Variants in MEF2C observed in about 807,000 individuals in gnomAD.
MEF2C encodes the protein myocyte enhancer factor 2C.
Under a neutral mutation model 50.5 loss-of-function variants are expected in MEF2C, and 6 were observed. The ratio of observed to expected loss-of-function variants is 0.12; its 90% CI spans 0.07 to 0.23. The LOEUF (loss-of-function observed/expected upper bound fraction) is 0.23. Among genes scored for constraint, MEF2C ranks in the 10% least tolerant of loss-of-function variants. The pLI, the probability that MEF2C is intolerant of heterozygous loss-of-function variation, is 1.00. For missense variants in MEF2C, 276 were observed against 605.0 expected, an observed-to-expected ratio of 0.46 and a Z score of 5.70; for synonymous variants, 183 against 228.0, an observed-to-expected ratio of 0.80 and a Z score of 1.78.
At chr5:88,864,465 G>A (rs377601180) in intron 1 of MEF2C, among the ~76,000 whole-genome samples, 65 of 151,752 alleles carry the variant, frequency 4.3e-4, no homozygotes, top group Middle Eastern at 6.8e-3. Context: ...TCTGGGAGTG[G>A]AACTTGGGCA....
intron 1 of MEF2C, among the ~76,000 whole-genome samples, chr5:88,894,001 AATG>A (rs1172870061): frequency 6.6e-6 from 1 of 152,216 alleles, no homozygotes. Context: ...GTCATAATAC[AATG>A]ATATCTGGAG....
chr5:88,734,574 T>TTTTTTTTG, intron 6 of MEF2C: 4 of 886,580 alleles, frequency 4.5e-6, no homozygotes, highest in Non-Finnish European at 5.3e-6. Flanking sequence ...TGTTTTTTTT[T>TTTTTTTTG]TTTTTTTTTT....
intron 3 of MEF2C, among the ~76,000 whole-genome samples, chr5:88,773,712 G>C (rs184812543): frequency 2.0e-5 from 3 of 152,186 alleles, no homozygotes; most frequent in Admixed American, 1.3e-4. Flanking sequence ...GGCTCAGGCA[G>C]ACTAAGCAAA....
chr5:88,788,545 G>A (rs1341578197), intron 3 of MEF2C, among the ~76,000 whole-genome samples: 1 of 152,024 alleles, frequency 6.6e-6, no homozygotes, highest in East Asian at 1.9e-4. Flanking sequence ...AACACTAGAT[G>A]CACCAGTTTC....
intron 1 of MEF2C, among the ~76,000 whole-genome samples, chr5:88,869,316 C>CATATATATAT (rs1561421830): frequency 3.5e-5 from 3 of 85,456 alleles, no homozygotes; most frequent in African/African-American, 4.6e-5. Context: ...TATATATATA[C>CATATATATAT]ACATATAGCT....
chr5:88,903,508 A>G (rs1338359832), intron 1 of MEF2C, among the ~76,000 whole-genome samples: 10 of 152,190 alleles, frequency 6.6e-5, no homozygotes, highest in Admixed American at 3.3e-4. Context: ...ATTTTTGAAA[A>G]TAGTATGTAC....
intron 1 of MEF2C, chr5:88,839,357 C>A (rs1816477220): frequency 6.6e-6 from 1 of 151,428 alleles, no homozygotes. Context: ...CTCTCTCTAT[C>A]TATCTATCTC....
intron 1 of MEF2C, among the ~76,000 whole-genome samples, chr5:88,845,430 CT>C (rs1302945839): frequency 1.3e-5 from 2 of 152,170 alleles, no homozygotes; most frequent in African/African-American, 4.8e-5. Flanking sequence ...ATAAGCCAAA[CT>C]TTCATTATGT....
At chr5:88,886,386 A>G (rs1834052476), upstream of MEF2C, among the ~76,000 whole-genome samples, 1 of 151,998 alleles carries the variant, frequency 6.6e-6, no homozygotes, top group African/African-American at 2.4e-5. Flanking sequence ...GGATCAGACT[A>G]TTTTCTCATG....
At chr5:88,741,273 A>G in intron 6 of MEF2C, 2 of 985,306 alleles carry the variant, frequency 2.0e-6, no homozygotes, top group South Asian at 9.4e-5. Context: ...GATTATAACC[A>G]TAGCTCACAT....
intron 6 of MEF2C, chr5:88,734,565 G>GTTTTTTTTTTTTTTTTTTTTTTTTTTTT (rs66505441): frequency 1.3e-5 from 6 of 460,472 alleles, no homozygotes; most frequent in African/African-American, 5.1e-5. Flanking sequence ...AGAAAAGTTT[G>GTTTTTTTTTTTTTTTTTTTTTTTTTTTT]TTTTTTTTTT....
intron 1 of MEF2C, among the ~76,000 whole-genome samples, chr5:88,893,402 C>T (rs1362687407): frequency 6.6e-6 from 1 of 151,404 alleles, no homozygotes; most frequent in East Asian, 1.9e-4. Flanking sequence ...CCTCTGCCTC[C>T]CATAGAGATG....
intron 10 of MEF2C, among the ~76,000 whole-genome samples, chr5:88,725,491 C>T (rs759347648): frequency 6.6e-6 from 1 of 152,024 alleles, no homozygotes; most frequent in Non-Finnish European, 1.5e-5. Flanking sequence ...TGTTGGTCTA[C>T]TTGAGAACAA....
intron 2 of MEF2C, among the ~76,000 whole-genome samples, chr5:88,815,813 C>T (rs1805060901): frequency 6.6e-6 from 1 of 151,524 alleles, no homozygotes; most frequent in African/African-American, 2.4e-5. Context: ...TTTTAATCTA[C>T]AGTTTGGAAG....
chr5:88,750,433 C>G (rs1288634407), intron 5 of MEF2C, among the ~76,000 whole-genome samples: 2 of 151,980 alleles, frequency 1.3e-5, no homozygotes, highest in African/African-American at 4.8e-5. Context: ...GTCTTGAATT[C>G]CTGGGCTCAA....
At chr5:88,791,038 A>G (rs1196715017) in intron 3 of MEF2C, among the ~76,000 whole-genome samples, 2 of 152,208 alleles carry the variant, frequency 1.3e-5, no homozygotes, top group Admixed American at 1.3e-4. Flanking sequence ...TTTCATGACT[A>G]TATATTCAGT....
intron 2 of MEF2C, among the ~76,000 whole-genome samples, chr5:88,808,121 A>C (rs1180518427): frequency 6.6e-6 from 1 of 152,210 alleles, no homozygotes; most frequent in Non-Finnish European, 1.5e-5. Flanking sequence ...TTTTGGAATG[A>C]ATAAAGAAAC....
At chr5:88,821,149 G>T (rs769346838) in intron 2 of MEF2C, among the ~76,000 whole-genome samples, 16 of 152,026 alleles carry the variant, frequency 1.1e-4, no homozygotes, top group East Asian at 1.9e-4. Flanking sequence ...TTCTTCTAAA[G>T]TTATTATGAC....
intron 3 of MEF2C, among the ~76,000 whole-genome samples, chr5:88,768,165 C>A (rs1038198246): frequency 6.6e-6 from 1 of 152,222 alleles, no homozygotes; most frequent in Non-Finnish European, 1.5e-5. Flanking sequence ...TAGTCTTAAT[C>A]ATACATTATT....
Sources: allele counts gnomAD v4.1 joint callset (sites outside exome capture counted in the v4.1 genomes callset), GRCh38; gene constraint gnomAD v4.1.1; transcripts MANE v1.5; gene names NCBI Gene and HGNC (gene_info 2026-07-23, HGNC 2026-07-21).